Variants in CSGALNACT1 observed in about 807,000 individuals in gnomAD.
CSGALNACT1 encodes beta4GalNAcT-1.
CSGALNACT1 carries 52 observed loss-of-function variants against 51.0 expected under a neutral mutation model. The observed-to-expected ratio is 1.02, with a 90% CI of 0.82 to 1.29. The LOEUF (loss-of-function observed/expected upper bound fraction) is 1.29. Among genes scored for constraint, CSGALNACT1 ranks in the 50% most tolerant of loss-of-function variants. The pLI is 0.00. For synonymous variants in CSGALNACT1, 341 were observed against 254.4 expected, an observed-to-expected ratio of 1.34 and a Z score of -3.24; for missense variants, 935 against 679.2, an observed-to-expected ratio of 1.38 and a Z score of -4.19.
At chr8:19,574,943 G>C (rs1330062873) in intron 3 of CSGALNACT1, among the ~76,000 whole-genome samples, 1 of 152,016 alleles carries the variant, frequency 6.6e-6, no homozygotes, top group Non-Finnish European at 1.5e-5. Flanking sequence ...GCTGAGGCAG[G>C]AGAATCTCTT....
At chr8:19,517,395 G>A (rs1294760559) in intron 3 of CSGALNACT1, among the ~76,000 whole-genome samples, 1 of 152,094 alleles carries the variant, frequency 6.6e-6, no homozygotes. Context: ...AGCCGAGATT[G>A]CACCACTGTA....
chr8:19,597,842 T>C (rs1013446219), intron 2 of CSGALNACT1, among the ~76,000 whole-genome samples: 2 of 152,204 alleles, frequency 1.3e-5, no homozygotes, highest in African/African-American at 4.8e-5. Flanking sequence ...TGCTAGATGC[T>C]AAAAATGCAG....
chr8:19,485,245 T>C lies in CSGALNACT1; in HGVS notation c.634+19956A>G, dbSNP rs149776128. Among the ~76,000 whole-genome samples, 787 of 152,302 alleles carry C rather than the reference T, an allele frequency of 5.2e-3. 9 individuals are homozygous for C. Among genetic ancestry groups the C allele is most frequent in the African/African-American group, 0.018 (731 of 41,554 alleles). The stretch of plus-strand genomic sequence containing the variant: ...CGGTCAATCACAACACACTCTTGTG[T>C]GTTCGGCACAGGCTGAAATCTACTA... On this transcript the variant is annotated intron_variant, in intron 4 of 9. Coordinates refer to ENST00000454498, the Ensembl canonical transcript of CSGALNACT1.
chr8:19,690,236 T>A (rs772989400), intron 1 of CSGALNACT1, among the ~76,000 whole-genome samples: 1 of 152,244 alleles, frequency 6.6e-6, no homozygotes, highest in Non-Finnish European at 1.5e-5. Flanking sequence ...ACAGAAGATA[T>A]AATTTTACCT....
At chr8:19,686,596 A>C (rs1201961310), upstream of CSGALNACT1, among the ~76,000 whole-genome samples, 2 of 152,208 alleles carry the variant, frequency 1.3e-5, no homozygotes, top group East Asian at 1.9e-4. Context: ...GAACTGAAAT[A>C]ATAGCCACCA....
At chr8:19,457,581 C>T in intron 5 of CSGALNACT1, 1 of 989,194 alleles carries the variant, frequency 1.0e-6, no homozygotes, top group South Asian at 1.3e-5. Context: ...CCACTGCACT[C>T]CAGCCTGGGT....
At chr8:19,701,107 T>A (rs2061840902) in intron 1 of CSGALNACT1, among the ~76,000 whole-genome samples, 1 of 149,566 alleles carries the variant, frequency 6.7e-6, no homozygotes, top group Non-Finnish European at 1.5e-5. Context: ...TCATCTTGAG[T>A]TCATGAAGGA....
chr8:19,668,007 T>C (rs2059517670), intron 1 of CSGALNACT1, among the ~76,000 whole-genome samples: 1 of 152,172 alleles, frequency 6.6e-6, no homozygotes, highest in African/African-American at 2.4e-5. Flanking sequence ...CATTCAAATA[T>C]TAGAAGAAGC....
chr8:19,712,534 G>A (rs1390691448), intron 1 of CSGALNACT1, among the ~76,000 whole-genome samples: 2 of 152,104 alleles, frequency 1.3e-5, no homozygotes, highest in Admixed American at 6.6e-5. Flanking sequence ...TGTTCTCCAA[G>A]GGCCCAAGTA....
intron 3 of CSGALNACT1, among the ~76,000 whole-genome samples, chr8:19,565,891 ACAGAGCAAGGCTC>A (rs2041815247): frequency 6.6e-6 from 1 of 152,224 alleles, no homozygotes; most frequent in African/African-American, 2.4e-5. Flanking sequence ...AGCCTGGGCA[ACAGAGCAAGGCTC>A]CATCTCAAAC....
intron 2 of CSGALNACT1, among the ~76,000 whole-genome samples, 165 bp downstream of exon 2, chr8:19,601,606 A>T (rs1279332366): frequency 1.3e-5 from 2 of 152,226 alleles, no homozygotes; most frequent in Non-Finnish European, 2.9e-5. Context: ...GAGCCAAGTA[A>T]TTGTATTATT....
At chr8:19,636,879 C>T (rs976474972) in intron 1 of CSGALNACT1, among the ~76,000 whole-genome samples, 1 of 152,112 alleles carries the variant, frequency 6.6e-6, no homozygotes, top group Non-Finnish European at 1.5e-5. Context: ...GGACATGCTA[C>T]ATCATCTATT....
chr8:19,526,449 G>A lies in CSGALNACT1; in HGVS notation c.-296-20319C>T, dbSNP rs139825927. The stretch of plus-strand genomic sequence containing the variant: ...AATACAAAAATTAGCTGGGCATGGT[G>A]GTACGCGCCTGTAGTGCCAGCTACT... On this transcript the variant is annotated intron_variant, in intron 3 of 9. Coordinates refer to ENST00000454498, the Ensembl canonical transcript of CSGALNACT1. Among the ~76,000 whole-genome samples the A allele has an allele frequency of 5.2e-3, 795 of 152,252 alleles. 6 individuals carry two copies. The highest frequency in any genetic ancestry group is 0.018 in the African/African-American group (764 of 41,548).
At position 19,458,375 on chromosome 8, in the gene CSGALNACT1, G is replaced by C. The variant is rs111341392; in HGVS notation, c.851+51C>G. 4.4e-3 allele frequency: 6,141 copies of C among 1,398,060 alleles called. 233 individuals are homozygous for C. The African/African-American group carries it at 0.074, about 17-fold the overall frequency. The allele number at this position is 1,398,060 out of a possible 1,614,324, so 86.6% of individuals were successfully genotyped here. Reference sequence around the variant, plus strand: ...GGAGATGACGGGAAATGATATCAGTGTTCTAACACACATCATGCGGAGGAA... The same window carrying C: ...GGAGATGACGGGAAATGATATCAGTCTTCTAACACACATCATGCGGAGGAA... On this transcript the variant is annotated intron_variant, in intron 5 of 9. Transcript: ENST00000454498.
intron 1 of CSGALNACT1, among the ~76,000 whole-genome samples, chr8:19,658,180 T>A (rs1457054610): frequency 1.3e-5 from 2 of 151,638 alleles, no homozygotes; most frequent in Non-Finnish European, 2.9e-5. Context: ...GGTGTGCCCT[T>A]ATAACAGAAT....
chr8:19,738,130 A>G (rs2220711), intron 1 of CSGALNACT1, among the ~76,000 whole-genome samples: 76,634 of 152,050 alleles, frequency 0.5, 19,522 homozygotes, highest in South Asian at 0.62. Context: ...GAGAGGCTGA[A>G]GCAAGAGGAT....
At chr8:19,530,178 G>A (rs1046001986) in intron 3 of CSGALNACT1, among the ~76,000 whole-genome samples, 1 of 152,030 alleles carries the variant, frequency 6.6e-6, no homozygotes, top group Admixed American at 6.6e-5. Flanking sequence ...CCAAGATCAC[G>A]CCACTGCACT....
At chr8:19,612,358 T>C (rs1415247225) in intron 1 of CSGALNACT1, among the ~76,000 whole-genome samples, 1 of 151,636 alleles carries the variant, frequency 6.6e-6, no homozygotes, top group Admixed American at 6.6e-5. Context: ...AAAAAACTAA[T>C]TGAAAAAAAA....
intron 1 of CSGALNACT1, among the ~76,000 whole-genome samples, chr8:19,622,192 A>G (rs1024794754): frequency 1.3e-5 from 2 of 152,222 alleles, no homozygotes; most frequent in African/African-American, 4.8e-5. Context: ...GTCTTCCTCC[A>G]GGTCATCATT....
Sources: allele counts gnomAD v4.1 joint callset (sites outside exome capture counted in the v4.1 genomes callset), GRCh38; gene constraint gnomAD v4.1.1; transcripts MANE v1.5; gene names NCBI Gene and HGNC (gene_info 2026-07-23, HGNC 2026-07-21).